LINGO2: variants seen among roughly 807,000 people sequenced by gnomAD.
LINGO2 encodes the protein leucine rich repeat and Ig domain containing 2.
LINGO2 carries 14 observed loss-of-function variants against 30.6 expected under a neutral mutation model. The ratio of observed to expected loss-of-function variants is 0.46; its 90% CI spans 0.30 to 0.72. LINGO2 has a LOEUF of 0.72. Among genes scored for constraint, LINGO2 ranks in the 30% least tolerant of loss-of-function variants. The pLI, the probability that LINGO2 is intolerant of heterozygous loss-of-function variation, is 0.07. For missense variants in LINGO2, 729 were observed against 751.7 expected (o/e 0.97, Z 0.35); for synonymous variants, 317 against 288.5 (o/e 1.10, Z -1.00).
chr9:28,844,993 T>C, the LINGO2 span, among the ~76,000 whole-genome samples: 9 of 151,908 alleles, frequency 5.9e-5, no homozygotes, highest in Non-Finnish European at 1.0e-4. Flanking sequence ...TAGGTACTTA[T>C]GAATCTGAGG....
chr9:28,495,887 T>C lies in LINGO2; in HGVS notation c.-364-19862A>G, dbSNP rs1286213839. On this transcript the variant is annotated intron_variant, in intron 1 of 5. Transcript: ENST00000379992. ...TTGTTCTCATTGGTTTCCAGGAACA[T>C]CTTTATTTCTGCCTTAATTTCATTA... Among the ~76,000 whole-genome samples the C allele has an allele frequency of 3.9e-5, 6 of 152,184 alleles. No individual in the cohort carries two copies. The South Asian group carries it at 1.0e-3, about 26-fold the overall frequency.
intron 5 of LINGO2, among the ~76,000 whole-genome samples, chr9:27,993,872 GA>G: frequency 6.6e-6 from 1 of 151,836 alleles, no homozygotes; most frequent in Non-Finnish European, 1.5e-5. Context: ...TGAGCACCTG[GA>G]ACATTTTGCA....
At chr9:28,178,333 T>C (rs1230968756) in intron 4 of LINGO2, among the ~76,000 whole-genome samples, 3 of 152,126 alleles carry the variant, frequency 2.0e-5, no homozygotes, top group African/African-American at 7.2e-5. Context: ...GAAACCGTAG[T>C]TTACAATCTC....
At chr9:28,778,004 T>C in the LINGO2 span, among the ~76,000 whole-genome samples, 8 of 152,226 alleles carry the variant, frequency 5.3e-5, no homozygotes, top group Admixed American at 4.6e-4. Flanking sequence ...GACCCTTCTC[T>C]ATAGTGCATA....
At chr9:28,161,232 T>C (rs911331511) in intron 4 of LINGO2, among the ~76,000 whole-genome samples, 2 of 152,150 alleles carry the variant, frequency 1.3e-5, no homozygotes, top group African/African-American at 2.4e-5. Context: ...GAAGATCCAG[T>C]TGGGTCCTAG....
intron 4 of LINGO2, among the ~76,000 whole-genome samples, chr9:28,258,581 C>T (rs1822459144): frequency 6.6e-6 from 1 of 151,796 alleles, no homozygotes; most frequent in African/African-American, 2.4e-5. Flanking sequence ...CTTATGTATG[C>T]CTCATTAAAA....
intron 4 of LINGO2, among the ~76,000 whole-genome samples, chr9:28,233,531 T>A (rs1335769721): frequency 1.3e-5 from 2 of 152,140 alleles, no homozygotes; most frequent in African/African-American, 4.8e-5. Context: ...AATAAAATTA[T>A]ATTTATCGTT....
At chr9:28,993,497 T>A in the LINGO2 span, among the ~76,000 whole-genome samples, 38 of 151,968 alleles carry the variant, frequency 2.5e-4, no homozygotes, top group African/African-American at 8.2e-4. Context: ...AAAGAGGGAA[T>A]CCTCCCTAAC....
chr9:28,900,812 A>G, the LINGO2 span, among the ~76,000 whole-genome samples: 1 of 152,230 alleles, frequency 6.6e-6, no homozygotes, highest in Non-Finnish European at 1.5e-5. Context: ...ACAAAGCATC[A>G]GTAGTGGATT....
chr9:28,245,516 C>G (rs1821965254), intron 4 of LINGO2, among the ~76,000 whole-genome samples: 1 of 152,140 alleles, frequency 6.6e-6, no homozygotes, highest in Non-Finnish European at 1.5e-5. Flanking sequence ...CAAACTGTCT[C>G]TGTTTGCAGA....
the LINGO2 span, among the ~76,000 whole-genome samples, chr9:28,973,847 G>A: frequency 6.6e-6 from 1 of 152,090 alleles, no homozygotes; most frequent in African/African-American, 2.4e-5. Context: ...ACAAACAAAA[G>A]CTGAGGGATT....
chr9:28,291,638 T>G (rs1823734554), intron 4 of LINGO2, among the ~76,000 whole-genome samples: 1 of 152,174 alleles, frequency 6.6e-6, no homozygotes, highest in African/African-American at 2.4e-5. Flanking sequence ...TGAAGCCAGA[T>G]GAAAAGAAAC....
chr9:28,003,342 T>TATAGATAG (rs200150497), intron 5 of LINGO2, among the ~76,000 whole-genome samples: 4,887 of 141,650 alleles, frequency 0.035, 92 homozygotes, highest in African/African-American at 0.05. Context: ...TATATAGATA[T>TATAGATAG]ATAGATAGAT....
chr9:28,619,170 T>C (rs928102209), intron 1 of LINGO2, among the ~76,000 whole-genome samples: 1 of 152,324 alleles, frequency 6.6e-6, no homozygotes, highest in African/African-American at 2.4e-5. Context: ...GAATGAATTA[T>C]TGAATGAATG....
At chr9:29,107,450 T>G in the LINGO2 span, among the ~76,000 whole-genome samples, 1 of 152,158 alleles carries the variant, frequency 6.6e-6, no homozygotes, top group African/African-American at 2.4e-5. Flanking sequence ...CACCTTGGAA[T>G]GCATCTCTTC....
At chr9:28,603,322 T>C (rs1040519914) in intron 1 of LINGO2, among the ~76,000 whole-genome samples, 1 of 152,022 alleles carries the variant, frequency 6.6e-6, no homozygotes, top group Admixed American at 6.6e-5. Context: ...TCTTTGTCTG[T>C]CTAGTACTGA....
chr9:29,187,405 T>C, the LINGO2 span, among the ~76,000 whole-genome samples: 1 of 152,202 alleles, frequency 6.6e-6, no homozygotes, highest in South Asian at 2.1e-4. Context: ...TAGAATGTTA[T>C]ATTCTGGTAA....
chr9:28,182,440 C>T (rs796154531), intron 4 of LINGO2, among the ~76,000 whole-genome samples: 14 of 152,230 alleles, frequency 9.2e-5, no homozygotes, highest in African/African-American at 3.4e-4. Context: ...AAAGCAATTG[C>T]AACACAAGCC....
intron 5 of LINGO2, among the ~76,000 whole-genome samples, chr9:27,963,255 A>G (rs1819933789): frequency 6.6e-6 from 1 of 152,166 alleles, no homozygotes; most frequent in African/African-American, 2.4e-5. Context: ...TTTTTATAGG[A>G]TAATGGTTTC....
Sources: gnomAD v4.1 joint callset for allele counts (sites outside exome capture counted in the v4.1 genomes callset) on GRCh38, gnomAD v4.1.1 for gene constraint, MANE v1.5 for transcripts, NCBI Gene and HGNC (gene_info 2026-07-23, HGNC 2026-07-21) for gene names.